Variants in DLG5 observed in about 807,000 individuals in gnomAD.
DLG5 encodes the protein disks large homolog 5.
In DLG5, 48 loss-of-function variants were observed where a neutral mutation model predicts 189.8. The observed-to-expected ratio is 0.25, with a 90% CI of 0.20 to 0.32. The LOEUF is 0.32. DLG5 is among the 10% of genes least tolerant of loss of function. The pLI, the probability that DLG5 is intolerant of heterozygous loss-of-function variation, is 1.00. For missense variants in DLG5, 2,160 were observed against 2,544.7 expected (o/e 0.85, Z 3.25); for synonymous variants, 1,016 against 1,054.1 (o/e 0.96, Z 0.70).
intron 1 of DLG5, among the ~76,000 whole-genome samples, chr10:77,915,105 G>A (rs1846321820): frequency 6.6e-6 from 1 of 152,100 alleles, no homozygotes; most frequent in African/African-American, 2.4e-5. Flanking sequence ...AAGGTAGGTG[G>A]ATCACGAGGT....
chr10:77,819,373 A>C lies in DLG5; in HGVS notation c.3619T>G (p.Cys1207Gly). Residue 1207 changes from cysteine to glycine, a missense_variant, in exon 17 of 32, where the codon TGC (cysteine) becomes GGC (glycine). By Grantham distance (159) the Cys-to-Gly change is radical (BLOSUM62 -3). This residue lies in a region of DLG5 where 754 missense variants were observed against 746.5 expected (regional missense o/e 1.01). Transcript: ENST00000372391. Reference protein sequence around the residue: ...YTVRSHRVGPCSSPPAARDAG... With the variant: ...YTVRSHRVGPGSSPPAARDAG... ...TCTCGGGCCGCAGGTGGAGAGCTGC[A>C]GGGGCCGACCCTGTGACTGCGCACA... 6.2e-7 allele frequency: 1 copy of C among 1,614,110 alleles called. No homozygotes were observed. The highest frequency in any genetic ancestry group is 2.2e-5 in the East Asian group (1 of 44,864).
chr10:77,814,310 G>A (rs1308014861), intron 20 of DLG5, among the ~76,000 whole-genome samples: 2 of 151,740 alleles, frequency 1.3e-5, no homozygotes, highest in East Asian at 3.9e-4. Flanking sequence ...TCTTCTGAAT[G>A]ATTTGAATTG....
rs1034908089 is a variant in DLG5 at position 77,865,746 on chromosome 10, CG to C, written c.373+3382del. ...AGGCGCAGGAAGCGGGGGAGGGCCTCGGGGAAGCTGTGTGTGCTTAGCTGAT... is the reference window on the plus strand; with the variant it reads ...AGGCGCAGGAAGCGGGGGAGGGCCTCGGGAAGCTGTGTGTGCTTAGCTGAT... On this transcript the variant is annotated intron_variant, in intron 2 of 31. Coordinates refer to ENST00000372391, the MANE Select transcript of DLG5 (RefSeq NM_004747.4). Among the ~76,000 whole-genome samples the C allele has an allele frequency of 2.6e-5, 4 of 152,046 alleles. 1 individual carries two copies. Among genetic ancestry groups the C allele is most frequent in the Admixed American group, 2.6e-4 (4 of 15,264 alleles).
intron 1 of DLG5, among the ~76,000 whole-genome samples, chr10:77,913,076 G>A (rs1264743602): frequency 6.6e-6 from 1 of 151,826 alleles, no homozygotes; most frequent in Non-Finnish European, 1.5e-5. Context: ...AGACCTCATG[G>A]CTAAAAAAAA....
chr10:77,809,858 G>T, intron 23 of DLG5, 128 bp from the exon 24 acceptor site: 1 of 1,123,852 alleles, frequency 8.9e-7, no homozygotes, highest in East Asian at 2.5e-5. Flanking sequence ...GGAGCTGAGA[G>T]GTGGCCTCTA....
chr10:77,911,923 G>A (rs1432338076), intron 1 of DLG5, among the ~76,000 whole-genome samples: 1 of 151,952 alleles, frequency 6.6e-6, no homozygotes, highest in East Asian at 1.9e-4. Context: ...AACAGGCTGG[G>A]TGTGGCAACT....
intron 27 of DLG5, among the ~76,000 whole-genome samples, chr10:77,801,966 T>C (rs756892002): frequency 1.3e-5 from 2 of 151,182 alleles, no homozygotes; most frequent in Non-Finnish European, 2.9e-5. Context: ...GCAGAGGGAG[T>C]TGAGAGAGAG....
chr10:77,902,126 C>T (rs558560942), intron 1 of DLG5, among the ~76,000 whole-genome samples: 10 of 152,324 alleles, frequency 6.6e-5, no homozygotes, highest in Non-Finnish European at 1.3e-4. Context: ...CCTTCCAGGA[C>T]AGGCTTGGAC....
chr10:77,878,834 C>T (rs1333612713), intron 1 of DLG5, among the ~76,000 whole-genome samples: 1 of 152,186 alleles, frequency 6.6e-6, no homozygotes, highest in African/African-American at 2.4e-5. Context: ...CAGGCTTGCA[C>T]CTCCACTCAT....
chr10:77,932,326 T>G, the DLG5 span, among the ~76,000 whole-genome samples: 2 of 152,192 alleles, frequency 1.3e-5, no homozygotes, highest in South Asian at 2.1e-4. Flanking sequence ...CCCAGTACCT[T>G]GTTATCTGCT....
chr10:77,792,269 C>T lies in DLG5; in HGVS notation c.*171G>A, dbSNP rs1840675041. 1.5e-6 allele frequency: 1 copy of T among 655,736 alleles called. No individual in the cohort carries two copies. The highest frequency in any genetic ancestry group is 2.7e-6 in the Non-Finnish European group (1 of 374,180). The allele number at this position is 655,736 out of a possible 1,614,324, so 40.6% of individuals were successfully genotyped here. A position where few individuals can be genotyped will look rare whatever the true frequency, so the allele number is the denominator to read the frequency against. ...AGTGTGTGGGCCTGGGCCTGGATCGCACGCAGCCGTGGCCCTCTGTCTACA... is the reference window on the plus strand; with the variant it reads ...AGTGTGTGGGCCTGGGCCTGGATCGTACGCAGCCGTGGCCCTCTGTCTACA... On this transcript the variant is annotated 3_prime_UTR_variant, in exon 32 of 32. Transcript: ENST00000372391.
At chr10:77,844,909 G>T (rs910716411) in intron 5 of DLG5, among the ~76,000 whole-genome samples, 1 of 152,094 alleles carries the variant, frequency 6.6e-6, no homozygotes, top group East Asian at 1.9e-4. Flanking sequence ...GGGCCTGCAG[G>T]CGTGTTCTAG....
chr10:77,832,767 C>T (rs564849420), intron 9 of DLG5, among the ~76,000 whole-genome samples: 7 of 152,300 alleles, frequency 4.6e-5, no homozygotes, highest in South Asian at 2.1e-4. Context: ...CCCATGTTCA[C>T]GGCCAGAGAT....
rs577353740 is a variant in DLG5, at chr10:77,841,416, T to C, written c.1437+465A>G. Among the ~76,000 whole-genome samples, 80 of 152,306 alleles carry C rather than the reference T, an allele frequency of 5.3e-4. No homozygotes were observed. The South Asian group carries it at 0.011, about 21-fold the overall frequency. ...TCTTCCCAGCAGGAGCCTGAAATACTTTTTCAAGAGCAGACTCGTGAGATG... is the reference window on the plus strand; with the variant it reads ...TCTTCCCAGCAGGAGCCTGAAATACCTTTTCAAGAGCAGACTCGTGAGATG... On this transcript the variant is annotated intron_variant, in intron 7 of 31. Transcript: ENST00000372391.
chr10:77,846,555 G>A (rs970815605), intron 5 of DLG5, among the ~76,000 whole-genome samples: 2 of 151,834 alleles, frequency 1.3e-5, no homozygotes, highest in African/African-American at 4.8e-5. Context: ...AAATTAGCCG[G>A]GTGTGGTGGC....
chr10:77,802,242 C>T (rs74140340), intron 27 of DLG5, among the ~76,000 whole-genome samples: 1,590 of 152,252 alleles, frequency 0.01, 26 homozygotes, highest in African/African-American at 0.035. Context: ...TTGGGTACAG[C>T]GGCCACAGGA....
At chr10:77,851,179 C>A (rs973026736) in intron 5 of DLG5, among the ~76,000 whole-genome samples, 29 of 152,354 alleles carry the variant, frequency 1.9e-4, no homozygotes, top group Middle Eastern at 3.4e-3. Context: ...GACACAGCAC[C>A]GCCATCCTTA....
At chr10:77,805,025 C>T (rs1174765220) in intron 27 of DLG5, among the ~76,000 whole-genome samples, 2 of 152,154 alleles carry the variant, frequency 1.3e-5, no homozygotes, top group Non-Finnish European at 2.9e-5. Context: ...GGCTGGAGTA[C>T]GGTGGCGTGA....
chr10:77,812,771 A>C (rs1841846561), intron 20 of DLG5, among the ~76,000 whole-genome samples: 2 of 152,250 alleles, frequency 1.3e-5, no homozygotes, highest in Admixed American at 1.3e-4. Flanking sequence ...ATGACATTCC[A>C]TCCTAAGGGG....
Sources: gnomAD v4.1 joint callset for allele counts (sites outside exome capture counted in the v4.1 genomes callset) on GRCh38, gnomAD v4.1.1 for gene constraint, gnomAD v4.1.1 regional missense constraint, MANE v1.5 for transcripts, NCBI Gene and HGNC (gene_info 2026-07-23, HGNC 2026-07-21) for gene names.